KRT72: variants seen among roughly 807,000 people sequenced by gnomAD.
KRT72 encodes the protein keratin 72.
KRT72 carries 44 observed loss-of-function variants against 44.7 expected under a neutral mutation model. That is an observed-to-expected ratio of 0.98 (90% CI 0.77 to 1.27). KRT72 has a LOEUF of 1.27. Ranked by LOEUF, KRT72 falls within the 50% of genes most tolerant of loss-of-function variation. The probability of loss-of-function intolerance (pLI) is 0.00; values close to 1 mark genes in which losing one functional copy is unlikely to be tolerated. For missense variants in KRT72, 736 were observed against 667.1 expected, an observed-to-expected ratio of 1.10 and a Z score of -1.14; for synonymous variants, 302 against 280.4, an observed-to-expected ratio of 1.08 and a Z score of -0.77.
chr12:52,601,260 G>GT lies in KRT72; in HGVS notation c.192dup (p.Arg65ThrfsTer113). 6.4e-7 allele frequency: 1 copy of GT among 1,560,684 alleles called. No individual in the cohort carries two copies. The highest frequency in any genetic ancestry group is 1.4e-5 in the African/African-American group (1 of 73,832). ...CCGCCCAGGCGGCCGCCGCCCCGCC[G>GT]TGCAGCAGCGCTGAGCGCCAGGCTT... On this transcript the variant is annotated frameshift_variant, in exon 1 of 9. Transcript: ENST00000293745. LOFTEE classifies it high-confidence loss of function.
upstream of KRT72, among the ~76,000 whole-genome samples, chr12:52,602,512 C>T (rs540867833): frequency 2.6e-5 from 4 of 152,332 alleles, no homozygotes; most frequent in East Asian, 7.7e-4. Context: ...CAAGTCTCCT[C>T]CTCTCTTAGC....
At chr12:52,600,977 A>G (rs772138926) in intron 1 of KRT72, 50 bp downstream of exon 1, 3 of 1,589,008 alleles carry the variant, frequency 1.9e-6, no homozygotes, top group Admixed American at 1.8e-5. Flanking sequence ...AGCCAGCACC[A>G]CTGTGCACAT....
intron 1 of KRT72, 30 bp downstream of exon 1, chr12:52,600,997 G>T: frequency 6.2e-7 from 1 of 1,606,236 alleles, no homozygotes; most frequent in Non-Finnish European, 8.5e-7. Context: ...TGCGCCCAAC[G>T]CAGGGACAGG....
chr12:52,592,028 C>T (rs949639194), intron 4 of KRT72, among the ~76,000 whole-genome samples: 1 of 152,176 alleles, frequency 6.6e-6, no homozygotes, highest in South Asian at 2.1e-4. Context: ...GGCTCCTGGA[C>T]CTTCTATTTT....
In KRT72 at chr12:52,585,899, C is replaced by A; in HGVS notation, c.*83G>T. 1 of 1,284,160 alleles carries A rather than the reference C, an allele frequency of 7.8e-7. No individual in the cohort carries two copies. The highest frequency in any genetic ancestry group is 1.1e-6 in the Non-Finnish European group (1 of 909,126). 79.5% of individuals were successfully genotyped at this position (1,284,160 alleles called of 1,614,324 possible). On this transcript the variant is annotated 3_prime_UTR_variant, in exon 9 of 9. Coordinates refer to ENST00000293745, the MANE Select transcript of KRT72 (RefSeq NM_080747.3). Reference sequence around the variant, plus strand: ...TAGTGACAGACAAAGCATTTCTTGACTTGGAAAGGGAGCCCAGGGAAGGAG... The same window carrying A: ...TAGTGACAGACAAAGCATTTCTTGAATTGGAAAGGGAGCCCAGGGAAGGAG...
chr12:52,592,461 C>T lies in KRT72; in HGVS notation c.733G>A (p.Glu245Lys), dbSNP rs1940072644. 2 of 1,614,078 alleles carry T rather than the reference C, an allele frequency of 1.2e-6. No homozygotes were observed. Among genetic ancestry groups the T allele is most frequent in the Non-Finnish European group, 1.7e-6 (2 of 1,179,962 alleles). ...AAGGAGTCCACCTTGGCCTGGAGCT[C>T]AACCTTATTCATGTAAGCAGCATCC... is the stretch of plus-strand genomic sequence containing the variant. ...DVDAAYMNKV[E>K]LQAKVDSLTD... Residue 245 changes from glutamate (E) to lysine (K), a missense_variant, in exon 4 of 9, where the codon GAG becomes AAG. Transcript: ENST00000293745.
chr12:52,598,131 A>G (rs1469207054), intron 2 of KRT72, among the ~76,000 whole-genome samples: 1 of 152,158 alleles, frequency 6.6e-6, no homozygotes, highest in African/African-American at 2.4e-5. Context: ...GCCTGTCCTC[A>G]CAATCTGTGT....
intron 1 of KRT72, among the ~76,000 whole-genome samples, chr12:52,599,846 G>A (rs1341728667): frequency 6.6e-6 from 1 of 152,196 alleles, no homozygotes; most frequent in East Asian, 1.9e-4. Context: ...TGTCCAAGGT[G>A]AGCTCATTTC....
At chr12:52,587,009 T>C (rs756827314) in intron 7 of KRT72, 29 bp from the exon 8 acceptor site, 3 of 1,610,164 alleles carry the variant, frequency 1.9e-6, no homozygotes, top group East Asian at 2.2e-5. Flanking sequence ...AACAGGTAAA[T>C]CCCCCATAAA....
rs11170185 is a variant in KRT72, at chr12:52,590,040, G to A, written c.1089+796C>T. On this transcript the variant is annotated intron_variant, in intron 6 of 8. Transcript: ENST00000293745. The stretch of plus-strand genomic sequence containing the variant: ...GTACATGTGTAAGCATGCACCATGC[G>A]TGGTGAGAGATGGGGTGCAGGGGAG... 4.8e-4 allele frequency among the ~76,000 whole-genome samples: 73 copies of A among 152,240 alleles called. 1 individual carries two copies. In the East Asian group the frequency reaches 0.012, roughly 26 times the overall value.
At chr12:52,592,629 C>T (rs888048025) in intron 3 of KRT72, 138 bp from the exon 4 acceptor site, 17 of 679,996 alleles carry the variant, frequency 2.5e-5, no homozygotes, top group South Asian at 2.4e-4. Context: ...CCCCTTCAGT[C>T]CCTGAGAGTA....
At chr12:52,589,497 C>G (rs681812) in intron 6 of KRT72, among the ~76,000 whole-genome samples, 121,309 of 152,192 alleles carry the variant, frequency 0.8, 49,180 homozygotes, top group African/African-American at 0.95. Flanking sequence ...AGATCCCACA[C>G]AGTGAACCTG....
chr12:52,595,060 C>T (rs1007326938), intron 2 of KRT72, among the ~76,000 whole-genome samples: 4 of 151,912 alleles, frequency 2.6e-5, no homozygotes, highest in African/African-American at 9.7e-5. Flanking sequence ...TGGTAGTTGC[C>T]GGACCAATTA....
At position 52,592,157 on chromosome 12, in the gene KRT72, G is replaced by A. The variant is rs182117865; in HGVS notation, c.798+239C>T. 3.7e-3 allele frequency among the ~76,000 whole-genome samples: 557 copies of A among 152,278 alleles called. 2 individuals carry two copies. The highest frequency in any genetic ancestry group is 6.0e-3 in the Non-Finnish European group (405 of 68,034). On this transcript the variant is annotated intron_variant, in intron 4 of 8. Coordinates refer to ENST00000293745, the MANE Select transcript of KRT72 (RefSeq NM_080747.3). ...CTCTGCTCTCTGAAAGCTCAGCTAC[G>A]TGGTGTTTTCCTGCCAAGCTGTGAA...
chr12:52,591,712 A>G (rs1940038172), intron 4 of KRT72, 84 bp from the exon 5 acceptor site: 2 of 1,334,202 alleles, frequency 1.5e-6, no homozygotes, highest in East Asian at 4.7e-5. Context: ...CAAATTCCTC[A>G]CTGTCCCTCT....
In KRT72 at chr12:52,595,658, A is replaced by T. The variant is rs74815576; in HGVS notation, c.642-2706T>A. Among the ~76,000 whole-genome samples the T allele has an allele frequency of 7.8e-3, 1,181 of 152,370 alleles. 29 individuals carry two copies. Among genetic ancestry groups the T allele is most frequent in the Admixed American group, 0.036 (546 of 15,308 alleles). ...TGTGCCAGTGTGTGTATTCGTGTAC[A>T]AAAACATGAGGCAGAATCACATTAT... is the stretch of plus-strand genomic sequence containing the variant. On this transcript the variant is annotated intron_variant, in intron 2 of 8. Coordinates refer to ENST00000293745, the MANE Select transcript of KRT72 (RefSeq NM_080747.3).
rs186052253 is a variant in KRT72, at chr12:52,597,267, C to T, written c.641+1631G>A. Among the ~76,000 whole-genome samples the T allele has an allele frequency of 4.6e-5, 7 of 152,322 alleles. No individual in the cohort carries two copies. The East Asian group carries it at 1.3e-3, about 29-fold the overall frequency. On this transcript the variant is annotated intron_variant, in intron 2 of 8. Coordinates refer to ENST00000293745, the MANE Select transcript of KRT72 (RefSeq NM_080747.3). ...TTTAGAGAGCCTATGAGAAAAGCTT[C>T]AGCGTATACAATGATGCTTAAGACA...
rs576034572 is a variant in KRT72 at position 52,590,864 on chromosome 12, C to T, written c.1061G>A (p.Arg354His). 9.5e-5 allele frequency: 151 copies of T among 1,595,672 alleles called. No homozygotes were observed. Among genetic ancestry groups the T allele is most frequent in the Admixed American group, 1.2e-4 (7 of 59,696 alleles). The change falls in exon 6 of 9, where the codon CGC (arginine) becomes CAC (histidine). Residue 354 changes from arginine to histidine, a missense_variant. Transcript: ENST00000293745. ...SELNRLIQRI[R>H]SEIGNVKKQC... ...CTTCTTCACATTCCCTATCTCTGAG[C>T]GGATCCTCTGGATCAGGCGGTTGAG...
chr12:52,590,020 T>C (rs1200655976), intron 6 of KRT72, among the ~76,000 whole-genome samples: 1 of 152,120 alleles, frequency 6.6e-6, no homozygotes, highest in Non-Finnish European at 1.5e-5. Flanking sequence ...TGTGTGTACA[T>C]GTGTAAGCAT....
Sources: allele counts gnomAD v4.1 joint callset (sites outside exome capture counted in the v4.1 genomes callset), GRCh38; gene constraint gnomAD v4.1.1; transcripts MANE v1.5; gene names NCBI Gene and HGNC (gene_info 2026-07-23, HGNC 2026-07-21).